The following RANBP17 variants were observed in gnomAD, a reference collection of about 807,000 sequenced individuals.
RANBP17 encodes the protein RAN binding protein 17, also known as ran-binding protein 17.
Under a neutral mutation model 141.2 loss-of-function variants are expected in RANBP17, and 158 were observed. The observed-to-expected ratio is 1.12, with a 90% CI of 0.98 to 1.28. RANBP17 has a LOEUF of 1.28. Ranked by LOEUF, RANBP17 falls within the 50% of genes most tolerant of loss-of-function variation. The pLI is 0.00. For synonymous variants in RANBP17, 430 were observed against 450.0 expected (o/e 0.96, Z 0.56); for missense variants, 1,438 against 1,290.7 (o/e 1.11, Z -1.75).
intron 1 of RANBP17, among the ~76,000 whole-genome samples, chr5:170,868,477 G>C (rs1767453239): frequency 6.6e-6 from 1 of 152,064 alleles, no homozygotes; most frequent in Non-Finnish European, 1.5e-5. Context: ...TTGCCACATT[G>C]GCCAGGCTGG....
chr5:171,175,761 C>G (rs1283409410), intron 16 of RANBP17, among the ~76,000 whole-genome samples: 1 of 151,702 alleles, frequency 6.6e-6, no homozygotes, highest in Non-Finnish European at 1.5e-5. Flanking sequence ...AAATCAGACT[C>G]TATAAGAGAG....
chr5:170,976,990 C>T (rs1377826445), intron 14 of RANBP17, among the ~76,000 whole-genome samples: 2 of 152,174 alleles, frequency 1.3e-5, no homozygotes, highest in South Asian at 2.1e-4. Flanking sequence ...GAAAAAGATA[C>T]ATTGGACTTC....
At chr5:171,168,520 A>G (rs1238575651) in intron 14 of RANBP17, among the ~76,000 whole-genome samples, 4 of 152,066 alleles carry the variant, frequency 2.6e-5, no homozygotes, top group Non-Finnish European at 4.4e-5. Context: ...TATACGAGAG[A>G]GGTTTGGCAT....
chr5:170,878,355 T>G (rs1165166390), intron 2 of RANBP17, 112 bp downstream of exon 2: 19 of 950,902 alleles, frequency 2.0e-5, no homozygotes, highest in Non-Finnish European at 2.6e-5. Flanking sequence ...ATGGTTTTTT[T>G]GTTTTTGTGA....
At position 170,909,713 on chromosome 5, in the gene RANBP17, G is replaced by A. The variant is rs144195437; in HGVS notation, c.542G>A (p.Arg181His). 872 of 1,596,310 alleles carry A rather than the reference G, an allele frequency of 5.5e-4. 10 individuals are homozygous for A. Among genetic ancestry groups the A allele is most frequent in the Admixed American group, 2.7e-4 (16 of 58,944 alleles). The part of the protein sequence containing the change: ...AKHRKIATSF[R>H]DTSLKDVLVL... The stretch of plus-strand genomic sequence containing the variant: ...CACAGGAAAATAGCTACCTCATTTC[G>A]TGATACTTCTCTCAAAGACGTTTTA... Residue 181 changes from arginine to histidine, a missense_variant, in exon 6 of 28, where the codon CGT (arginine) becomes CAT (histidine). By Grantham distance (29) the Arg-to-His change is conservative. Coordinates refer to ENST00000523189, the MANE Select transcript of RANBP17 (RefSeq NM_022897.5).
intron 14 of RANBP17, among the ~76,000 whole-genome samples, chr5:171,002,415 A>T (rs188971244): frequency 4.7e-4 from 71 of 152,244 alleles, no homozygotes; most frequent in African/African-American, 1.6e-3. Context: ...ATGCCTTTTG[A>T]TGGCCCTTGC....
intron 18 of RANBP17, among the ~76,000 whole-genome samples, chr5:171,185,736 CAG>C (rs1461388231): frequency 6.6e-6 from 1 of 152,230 alleles, no homozygotes; most frequent in African/African-American, 2.4e-5. Context: ...TTGAACCCCT[CAG>C]AGTCGTCCAT....
At chr5:171,178,720 G>T (rs1342622850) in intron 16 of RANBP17, among the ~76,000 whole-genome samples, 1 of 152,088 alleles carries the variant, frequency 6.6e-6, no homozygotes, top group Non-Finnish European at 1.5e-5. Flanking sequence ...ATTCTAACTG[G>T]CATGAGATGG....
intron 14 of RANBP17, among the ~76,000 whole-genome samples, chr5:171,027,022 A>ACTC (rs769728877): frequency 3.3e-5 from 5 of 151,850 alleles, no homozygotes; most frequent in Non-Finnish European, 7.4e-5. Context: ...TAGGTTGCGG[A>ACTC]CTCCTCATGA....
intron 14 of RANBP17, among the ~76,000 whole-genome samples, chr5:171,067,840 A>G (rs935096772): frequency 1.3e-5 from 2 of 152,082 alleles, no homozygotes; most frequent in African/African-American, 4.8e-5. Flanking sequence ...CAGTTTCTTT[A>G]TAATGTGTCT....
chr5:171,259,929 C>T (rs919009227), intron 24 of RANBP17, among the ~76,000 whole-genome samples: 4 of 151,734 alleles, frequency 2.6e-5, no homozygotes, highest in Non-Finnish European at 5.9e-5. Flanking sequence ...TGCGACAAAC[C>T]GAGATTGCGC....
At chr5:171,154,203 C>T (rs1758694942) in intron 14 of RANBP17, among the ~76,000 whole-genome samples, 1 of 149,818 alleles carries the variant, frequency 6.7e-6, no homozygotes, top group African/African-American at 2.5e-5. Context: ...ATTTAACCTA[C>T]TCCTCTTAGT....
intron 14 of RANBP17, among the ~76,000 whole-genome samples, chr5:171,017,740 A>G (rs1048617906): frequency 6.6e-6 from 1 of 152,218 alleles, no homozygotes; most frequent in African/African-American, 2.4e-5. Context: ...TTTGCTGTGC[A>G]GAAGCTCTTT....
At chr5:171,000,044 G>A (rs761368611) in intron 14 of RANBP17, among the ~76,000 whole-genome samples, 23 of 152,058 alleles carry the variant, frequency 1.5e-4, no homozygotes, top group Non-Finnish European at 2.4e-4. Flanking sequence ...ATGTCCTTAA[G>A]GGTAGCTTAT....
intron 13 of RANBP17, among the ~76,000 whole-genome samples, chr5:170,955,775 G>C (rs1054543086): frequency 6.3e-5 from 9 of 143,024 alleles, no homozygotes. Context: ...ATATCTAAAA[G>C]TAATTTATAA....
At chr5:170,895,161 A>G (rs1770009712) in intron 4 of RANBP17, among the ~76,000 whole-genome samples, 1 of 152,174 alleles carries the variant, frequency 6.6e-6, no homozygotes, top group Non-Finnish European at 1.5e-5. Context: ...AAAAATTGTG[A>G]GACCTTTTTT....
chr5:171,097,272 T>C (rs1270129403), intron 14 of RANBP17, among the ~76,000 whole-genome samples: 1 of 152,088 alleles, frequency 6.6e-6, no homozygotes, highest in Non-Finnish European at 1.5e-5. Context: ...TCTAATAATC[T>C]CATTGAGAAA....
At chr5:171,283,007 C>T (rs1485301075) in intron 25 of RANBP17, among the ~76,000 whole-genome samples, 4 of 152,096 alleles carry the variant, frequency 2.6e-5, no homozygotes, top group Non-Finnish European at 4.4e-5. Context: ...CACAGAACTG[C>T]TCCTCATTCC....
At chr5:171,222,760 AGCTGTGGTTATAGGCAC>A (rs1455327914) in intron 22 of RANBP17, among the ~76,000 whole-genome samples, 1 of 152,018 alleles carries the variant, frequency 6.6e-6, no homozygotes, top group Non-Finnish European at 1.5e-5. Context: ...CTTCCCGAGT[AGCTGTGGTTATAGGCAC>A]GCCACCACGC....
Sources: gnomAD v4.1 joint callset for allele counts (sites outside exome capture counted in the v4.1 genomes callset) on GRCh38, gnomAD v4.1.1 for gene constraint, MANE v1.5 for transcripts, NCBI Gene and HGNC (gene_info 2026-07-23, HGNC 2026-07-21) for gene names.